The following PTCH1 variants were observed in gnomAD, a reference collection of about 807,000 sequenced individuals.
PTCH1 encodes the protein protein patched homolog 1.
A neutral mutation model predicts 144.6 loss-of-function variants in PTCH1; 14 were observed. The observed-to-expected ratio is 0.10, with a 90% confidence interval of 0.06 to 0.15. The LOEUF (loss-of-function observed/expected upper bound fraction) is 0.15, where lower values mean the gene tolerates loss of function less well. PTCH1 is among the 10% of genes least tolerant of loss of function. The pLI, the probability that PTCH1 is intolerant of heterozygous loss-of-function variation, is 1.00. For synonymous variants in PTCH1, 833 were observed against 793.6 expected, an observed-to-expected ratio of 1.05 and a Z score of -0.83; for missense variants, 1,623 against 1,948.3, an observed-to-expected ratio of 0.83 and a Z score of 3.14.
Position 95,508,161 on chromosome 9 carries a change from C to T in PTCH1, c.201G>A (p.Lys67=), listed in dbSNP as rs1843883749. ...DAAFALEQIS[K]GKATGRKAPL... is the part of the protein sequence containing the mutation. ...TGGGAGGAGAGAGTCTGAAATGCAC[C>T]TTGGAAATCTGCTCCAGAGCGAAGG... is the stretch of plus-strand genomic sequence containing the variant. Residue 67 remains lysine (K), a splice_region_variant and synonymous_variant, in exon 1 of 24, where the codon AAG becomes AAA. Coordinates refer to ENST00000331920, the MANE Select transcript of PTCH1 (RefSeq NM_000264.5). 6.2e-7 allele frequency: 1 copy of T among 1,612,530 alleles called. No individual in the cohort carries two copies. The highest frequency in any genetic ancestry group is 8.5e-7 in the Non-Finnish European group (1 of 1,179,734).
rs754741810 is a variant in PTCH1, at chr9:95,477,697, G to C, written c.1353C>G (p.Ala451=). The change falls in exon 10 of 24, where the codon GCC becomes GCG. Residue 451 remains alanine (A), a synonymous_variant. Transcript: ENST00000331920. Reference sequence around the variant, plus strand: ...AGCGCAGCATGGTTAGACAGGCATAGGCGAGCTGCAAGCAGAACAATGGGG... The same window carrying C: ...AGCGCAGCATGGTTAGACAGGCATACGCGAGCTGCAAGCAGAACAATGGGG... ...RVASGYLLML[A]YACLTMLRWD... The C allele has an allele frequency of 3.1e-6, 5 of 1,614,152 alleles. No individual in the cohort carries two copies. The highest frequency in any genetic ancestry group is 3.4e-6 in the Non-Finnish European group (4 of 1,180,028).
At chr9:95,507,568 G>A (rs959702099) in intron 1 of PTCH1, 3 of 436,132 alleles carry the variant, frequency 6.9e-6, no homozygotes, top group African/African-American at 4.3e-5. Flanking sequence ...CCTGGAAAAC[G>A]GGGGGGATAT....
rs2118035461 is a variant in PTCH1, at chr9:95,468,873, C to G, written c.2128G>C (p.Asp710His). The change falls in exon 14 of 24, where the codon GAC (aspartate) becomes CAC (histidine). Residue 710 changes from aspartate (D) to histidine (H), a missense_variant. By Grantham distance (81) the Asp-to-His change is moderately conservative. Transcript: ENST00000331920. ...GAGTCGGAGAACTGGGAGAGCAGGT[C>G]CCTTGTGGAGCTGGTGCTCTCTGGG... Reference protein sequence around the residue: ...QSPESTSSTRDLLSQFSDSSL... With the variant: ...QSPESTSSTRHLLSQFSDSSL... 2.5e-6 allele frequency: 4 copies of G among 1,614,086 alleles called. No individual in the cohort carries two copies. Among genetic ancestry groups the G allele is most frequent in the Non-Finnish European group, 3.4e-6 (4 of 1,180,024 alleles).
chr9:95,447,165 T>C lies in PTCH1; in HGVS notation c.4091A>G (p.Tyr1364Cys), dbSNP rs1838000346. Residue 1364 changes from tyrosine (Y) to cysteine (C), a missense_variant, in exon 23 of 24, where the codon TAC becomes TGC. Transcript: ENST00000331920. The stretch of plus-strand genomic sequence containing the variant: ...CGTCACAGTGGTGATGGGCTGGCAG[T>C]AGCCGGGCACGGAGCTGCCCATGGC... ...STAMGSSVPGYCQPITTVTAS... is the reference protein window; with the variant it reads ...STAMGSSVPGCCQPITTVTAS... The C allele has an allele frequency of 6.2e-7, 1 of 1,613,098 alleles. No homozygotes were observed. The highest frequency in any genetic ancestry group is 8.5e-7 in the Non-Finnish European group (1 of 1,179,918).
intron 12 of PTCH1, among the ~76,000 whole-genome samples, chr9:95,471,348 A>G (rs976497043): frequency 6.6e-6 from 1 of 152,198 alleles, no homozygotes; most frequent in Non-Finnish European, 1.5e-5. Context: ...CGTTCTTCTA[A>G]AAACTACCTA....
In PTCH1 at chr9:95,479,022, G is replaced by A. The variant is rs375098989; in HGVS notation, c.1193C>T (p.Ala398Val). The change falls in exon 8 of 24, where the codon GCC (alanine) becomes GTC (valine). Residue 398 changes from alanine to valine, a missense_variant. By Grantham distance (64) the Ala-to-Val change is moderately conservative. Transcript: ENST00000331920. ...NEDKAAAILE[A>V]WQRTYVEVVH... ...TACCTCCACATATGTCCTCTGCCAG[G>A]CCTCCAGGATGGCTGCCGCTTTGTC... 3 of 1,614,194 alleles carry A rather than the reference G, an allele frequency of 1.9e-6. No individual in the cohort carries two copies. The highest frequency in any genetic ancestry group is 2.5e-6 in the Non-Finnish European group (3 of 1,180,040).
At chr9:95,461,636 T>C (rs1256476107) in intron 16 of PTCH1, among the ~76,000 whole-genome samples, 1 of 152,232 alleles carries the variant, frequency 6.6e-6, no homozygotes, top group African/African-American at 2.4e-5. Flanking sequence ...CCTGTCCCAT[T>C]TGACAGATGA....
chr9:95,491,973 G>A (rs1175292389), intron 2 of PTCH1, among the ~76,000 whole-genome samples: 1 of 152,168 alleles, frequency 6.6e-6, no homozygotes, highest in Non-Finnish European at 1.5e-5. Context: ...AACCAAACAG[G>A]AAATCATGTC....
chr9:95,476,194 C>A lies in PTCH1; in HGVS notation c.1603-35G>T, dbSNP rs1317572292. The A allele has an allele frequency of 1.3e-6, 2 of 1,599,934 alleles. No homozygotes were observed. Among genetic ancestry groups the A allele is most frequent in the Non-Finnish European group, 1.7e-6 (2 of 1,174,464 alleles). On this transcript the variant is annotated intron_variant, in intron 11 of 23. Coordinates refer to ENST00000331920, the MANE Select transcript of PTCH1 (RefSeq NM_000264.5). The surrounding 1 kb of genome is among the most constrained non-coding windows in gnomAD (Gnocchi z 4.6). ...AAAAAACACAGCGCTGAGAGCTGCA[C>A]TGGACATGGTCCCCTTGGAGCACAG... is the stretch of plus-strand genomic sequence containing the variant.
intron 20 of PTCH1, chr9:95,452,286 C>G (rs1838522193): frequency 1.3e-5 from 2 of 152,026 alleles, no homozygotes; most frequent in African/African-American, 4.8e-5. Flanking sequence ...AGTTGAAACC[C>G]TCTTCTTTTT....
intron 2 of PTCH1, among the ~76,000 whole-genome samples, chr9:95,494,630 G>C (rs528171760): frequency 1.3e-5 from 2 of 152,364 alleles, no homozygotes; most frequent in East Asian, 3.9e-4. Context: ...TCGCTCTGCA[G>C]GAAGTGGGCG....
In PTCH1 at chr9:95,485,882, A is replaced by G. The variant is rs755013836; in HGVS notation, c.395-8T>C. On this transcript the variant is annotated splice_region_variant and splice_polypyrimidine_tract_variant and intron_variant, in intron 2 of 23. Coordinates refer to ENST00000331920, the MANE Select transcript of PTCH1 (RefSeq NM_000264.5). ...GACTTACTCGTCCTCCAACTGACAA[A>G]TATGTACAGGTTTAATTAGAATAGC... 1.1e-5 allele frequency: 17 copies of G among 1,614,134 alleles called. No homozygotes were observed. The highest frequency in any genetic ancestry group is 1.4e-5 in the Non-Finnish European group (16 of 1,180,008).
Position 95,508,612 on chromosome 9 carries a change from T to C in PTCH1, c.-251A>G. 3 of 991,862 alleles carry C rather than the reference T, an allele frequency of 3.0e-6. No homozygotes were observed. Among genetic ancestry groups the C allele is most frequent in the Non-Finnish European group, 3.6e-6 (3 of 834,972 alleles). The allele number at this position is 991,862 out of a possible 1,614,324, so 61.4% of individuals were successfully genotyped here. On this transcript the variant is annotated 5_prime_UTR_variant, in exon 1 of 24. Transcript: ENST00000331920. ...GACCCTGCGCCTTCCATTGCCACAT[T>C]GCGCGGGGGTCCCGAGGTCTCTGCG...
At chr9:95,512,215 A>G (rs1844192073), upstream of PTCH1, among the ~76,000 whole-genome samples, 1 of 152,182 alleles carries the variant, frequency 6.6e-6, no homozygotes, top group Non-Finnish European at 1.5e-5. Flanking sequence ...AACGTTTTGA[A>G]CATTGATCCC....
chr9:95,506,246 C>T (rs1843618310), intron 2 of PTCH1, 161 bp downstream of exon 2: 1 of 839,206 alleles, frequency 1.2e-6, no homozygotes, highest in Non-Finnish European at 1.8e-6. Flanking sequence ...TCGGGCGGGC[C>T]TGGCTCCCGG....
At chr9:95,462,044 A>C (rs375446594) in intron 15 of PTCH1, 46 bp from the exon 16 acceptor site, 12 of 1,613,146 alleles carry the variant, frequency 7.4e-6, no homozygotes, top group Non-Finnish European at 1.0e-5. Flanking sequence ...CGCAGCCAGA[A>C]GGACCCTGGT....
chr9:95,486,654 A>AG (rs1269364280), intron 2 of PTCH1, among the ~76,000 whole-genome samples: 1 of 152,274 alleles, frequency 6.6e-6, no homozygotes, highest in African/African-American at 2.4e-5. Context: ...CAAGCTGGCC[A>AG]GCACGGGGTA....
At chr9:95,454,800 C>T (rs1221976117) in intron 19 of PTCH1, among the ~76,000 whole-genome samples, 1 of 152,228 alleles carries the variant, frequency 6.6e-6, no homozygotes, top group Non-Finnish European at 1.5e-5. Flanking sequence ...AGAGCAATAA[C>T]TGCCAACTCT....
Position 95,453,596 on chromosome 9 carries a change from T to C in PTCH1, c.3331A>G (p.Lys1111Glu), listed in dbSNP as rs1838665681. The change falls in exon 20 of 24, where the codon AAG becomes GAG. Residue 1111 changes from lysine (K) to glutamate (E), a missense_variant. Lys to Glu is a moderately conservative substitution (Grantham distance 56). Coordinates refer to ENST00000331920, the MANE Select transcript of PTCH1 (RefSeq NM_000264.5). ...AGGGCAAGCACAGCCCTGCGGTTCT[T>C]GTCGCCGATGGCCGTCAGAAAGGCC... Reference protein sequence around the residue: ...ALAFLTAIGDKNRRAVLALEH... With the variant: ...ALAFLTAIGDENRRAVLALEH... 1.9e-6 allele frequency: 3 copies of C among 1,613,860 alleles called. No homozygotes were observed. The African/African-American group carries it at 4.0e-5, about 22-fold the overall frequency.
Sources: allele counts gnomAD v4.1 joint callset (sites outside exome capture counted in the v4.1 genomes callset), GRCh38; gene constraint gnomAD v4.1.1; non-coding constraint Gnocchi (gnomAD v3.1); transcripts MANE v1.5; gene names NCBI Gene and HGNC (gene_info 2026-07-23, HGNC 2026-07-21).